BBX: variants seen among roughly 807,000 people sequenced by gnomAD.
BBX encodes the protein HMG box transcription factor BBX.
BBX carries 30 observed loss-of-function variants against 100.2 expected under a neutral mutation model. The observed-to-expected ratio is 0.30, with a 90% confidence interval of 0.22 to 0.41. The LOEUF (loss-of-function observed/expected upper bound fraction) is 0.41, where lower values mean the gene tolerates loss of function less well. Among genes scored for constraint, BBX ranks in the 10% least tolerant of loss-of-function variants. The probability of loss-of-function intolerance (pLI) is 1.00; values close to 1 mark genes in which losing one functional copy is unlikely to be tolerated. For synonymous variants in BBX, 376 were observed against 388.1 expected (o/e 0.97, Z 0.37); for missense variants, 1,023 against 1,129.8 (o/e 0.91, Z 1.35).
chr3:107,763,843 A>T (rs73850166), intron 10 of BBX, among the ~76,000 whole-genome samples: 4,820 of 152,032 alleles, frequency 0.032, 173 homozygotes, highest in African/African-American at 0.094. Flanking sequence ...ACACTGAGAA[A>T]CCTCAGTGCG....
chr3:107,742,565 G>A (rs79984612), intron 7 of BBX, among the ~76,000 whole-genome samples: 8 of 152,222 alleles, frequency 5.3e-5, no homozygotes, highest in African/African-American at 1.7e-4. Flanking sequence ...CACAGCATTA[G>A]TGATTCTATT....
intron 7 of BBX, among the ~76,000 whole-genome samples, chr3:107,734,493 G>A (rs530512024): frequency 7.0e-4 from 107 of 152,232 alleles, no homozygotes; most frequent in Non-Finnish European, 1.2e-3. Flanking sequence ...CTCTCACTTA[G>A]GTGTAGAGTA....
At chr3:107,582,369 A>G (rs960076936) in intron 2 of BBX, among the ~76,000 whole-genome samples, 1 of 151,904 alleles carries the variant, frequency 6.6e-6, no homozygotes, top group Non-Finnish European at 1.5e-5. Context: ...TTACAAAACT[A>G]ATATTTTTTA....
At chr3:107,737,487 G>A (rs1198858780) in intron 7 of BBX, among the ~76,000 whole-genome samples, 1 of 152,144 alleles carries the variant, frequency 6.6e-6, no homozygotes, top group East Asian at 1.9e-4. Context: ...CAGATTAGTG[G>A]AGAAGATGCT....
At chr3:107,624,698 G>A (rs145359666) in intron 2 of BBX, among the ~76,000 whole-genome samples, 5 of 152,110 alleles carry the variant, frequency 3.3e-5, no homozygotes, top group South Asian at 2.1e-4. Context: ...ATGAAACACC[G>A]TCTCTACTAA....
chr3:107,623,799 G>A (rs1013380476), intron 2 of BBX, among the ~76,000 whole-genome samples: 4 of 152,130 alleles, frequency 2.6e-5, no homozygotes, highest in Non-Finnish European at 5.9e-5. Context: ...TACTGATTAT[G>A]GGTTGGGCAC....
intron 2 of BBX, among the ~76,000 whole-genome samples, chr3:107,642,059 A>G (rs1402366042): frequency 1.3e-5 from 2 of 152,166 alleles, no homozygotes; most frequent in Non-Finnish European, 2.9e-5. Context: ...CCTGTAGTGG[A>G]CAACAGTGAC....
intron 7 of BBX, among the ~76,000 whole-genome samples, chr3:107,735,173 CAGT>C (rs1398920547): frequency 6.6e-6 from 1 of 152,084 alleles, no homozygotes; most frequent in Non-Finnish European, 1.5e-5. Flanking sequence ...TCACAGCTAT[CAGT>C]AGACTGCATT....
At chr3:107,533,604 C>T (rs1039760259) in intron 2 of BBX, among the ~76,000 whole-genome samples, 1 of 152,204 alleles carries the variant, frequency 6.6e-6, no homozygotes, top group Non-Finnish European at 1.5e-5. Flanking sequence ...GGTTAGTTCA[C>T]ATTTCACTGA....
intron 6 of BBX, among the ~76,000 whole-genome samples, chr3:107,732,410 C>T (rs1465581552): frequency 1.3e-5 from 2 of 152,090 alleles, no homozygotes; most frequent in African/African-American, 4.8e-5. Flanking sequence ...GTCAAAAACA[C>T]ATCAGTTAAT....
intron 2 of BBX, among the ~76,000 whole-genome samples, chr3:107,531,372 C>T (rs2048149973): frequency 6.6e-6 from 1 of 152,102 alleles, no homozygotes; most frequent in Admixed American, 6.5e-5. Context: ...AGCATGTTAC[C>T]TCACATCCCT....
At chr3:107,731,328 A>G (rs1362972470) in intron 6 of BBX, among the ~76,000 whole-genome samples, 2 of 152,170 alleles carry the variant, frequency 1.3e-5, no homozygotes, top group Non-Finnish European at 2.9e-5. Flanking sequence ...GAAAGCTATC[A>G]TCCAATCCTC....
At chr3:107,582,523 A>C (rs546442122) in intron 2 of BBX, among the ~76,000 whole-genome samples, 1 of 152,078 alleles carries the variant, frequency 6.6e-6, no homozygotes, top group Admixed American at 6.5e-5. Flanking sequence ...CCCAGGGACA[A>C]ATTTCAACAA....
intron 3 of BBX, among the ~76,000 whole-genome samples, chr3:107,660,593 T>A (rs894732273): frequency 6.6e-6 from 1 of 151,680 alleles, no homozygotes; most frequent in Non-Finnish European, 1.5e-5. Flanking sequence ...TAGACCTTAT[T>A]TGAAAATTTC....
chr3:107,773,336 T>C lies in BBX; in HGVS notation c.1615T>C (p.Ser539Pro). The change falls in exon 11 of 18, where the codon TCA becomes CCA. Residue 539 changes from serine to proline, a missense_variant. By Grantham distance (74) the Ser-to-Pro change is moderately conservative (BLOSUM62 -1). Coordinates refer to ENST00000325805, the MANE Select transcript of BBX (RefSeq NM_001142568.3). The surrounding 1 kb of genome is among the most constrained non-coding windows in gnomAD (Gnocchi z 4.1). Reference protein sequence around the residue: ...KKVKSREKKMSKEKSSDTTKE... With the variant: ...KKVKSREKKMPKEKSSDTTKE... ...AGTGAAATCAAGAGAGAAGAAAATG[T>C]CAAAGGAGAAATCCTCAGACACCAC... The C allele has an allele frequency of 6.2e-7, 1 of 1,614,028 alleles. No individual in the cohort carries two copies. The highest frequency in any genetic ancestry group is 1.1e-5 in the South Asian group (1 of 91,078).
At chr3:107,767,869 A>G (rs1395637338) in intron 10 of BBX, among the ~76,000 whole-genome samples, 10 of 151,816 alleles carry the variant, frequency 6.6e-5, no homozygotes, top group Non-Finnish European at 1.2e-4. Flanking sequence ...GGAGACACTG[A>G]CAGGAGACTG....
intron 2 of BBX, chr3:107,599,548 C>G (rs568746492): frequency 2.6e-5 from 4 of 152,166 alleles, no homozygotes; most frequent in African/African-American, 9.6e-5. Flanking sequence ...GTGTTATAAC[C>G]AGCTCTGTAG....
intron 7 of BBX, among the ~76,000 whole-genome samples, chr3:107,734,707 C>G (rs539529936): frequency 5.1e-4 from 77 of 152,258 alleles, no homozygotes; most frequent in African/African-American, 1.7e-3. Context: ...GTAAACAAAT[C>G]AACGTCTGTA....
chr3:107,616,693 A>G (rs1032180831), intron 2 of BBX, among the ~76,000 whole-genome samples: 1 of 152,060 alleles, frequency 6.6e-6, no homozygotes, highest in East Asian at 1.9e-4. Context: ...TTTGCCATCT[A>G]TATCTCTTTT....
Sources: gnomAD v4.1 joint callset for allele counts (sites outside exome capture counted in the v4.1 genomes callset) on GRCh38, gnomAD v4.1.1 for gene constraint, Gnocchi (gnomAD v3.1) non-coding constraint, MANE v1.5 for transcripts, NCBI Gene and HGNC (gene_info 2026-07-23, HGNC 2026-07-21) for gene names.